Variants in DIDO1 observed in about 807,000 individuals in gnomAD.
DIDO1 encodes the protein death inducer-obliterator 1.
Under a neutral mutation model 99.4 loss-of-function variants are expected in DIDO1, and 16 were observed. That is an observed-to-expected ratio of 0.16 (90% confidence interval 0.11 to 0.24). DIDO1 has a LOEUF of 0.24. DIDO1 is among the 10% of genes least tolerant of loss of function. The pLI, the probability that DIDO1 is intolerant of heterozygous loss-of-function variation, is 1.00. For missense variants in DIDO1, 2,996 were observed against 3,014.0 expected (o/e 0.99, Z 0.14); for synonymous variants, 1,366 against 1,239.1 (o/e 1.10, Z -2.15).
Position 62,907,006 on chromosome 20 carries a change from G to A in DIDO1, c.1374+141C>T, listed in dbSNP as rs1161805288. 3 of 808,530 alleles carry A rather than the reference G, an allele frequency of 3.7e-6. 1 individual carries two copies. Among genetic ancestry groups the A allele is most frequent in the South Asian group, 3.3e-5 (2 of 61,484 alleles). The allele number at this position is 808,530 out of a possible 1,614,324, so 50.1% of individuals were successfully genotyped here. A position where few individuals can be genotyped will look rare whatever the true frequency, so the allele number is the denominator to read the frequency against. On this transcript the variant is annotated intron_variant, in intron 5 of 15. Coordinates refer to ENST00000395343, the MANE Select transcript of DIDO1 (RefSeq NM_001193369.2). ...AGAAGGGAAAACTGGTGGGAAGGTG[G>A]AAGACAAAGGTCAAGGCGACACCAC...
intron 1 of DIDO1, among the ~76,000 whole-genome samples, chr20:62,921,241 A>C (rs1279327649): frequency 1.3e-5 from 2 of 152,184 alleles, no homozygotes; most frequent in Non-Finnish European, 2.9e-5. Context: ...TAAATGACTC[A>C]TTTTTAAATG....
chr20:62,912,676 C>A (rs1421976282), intron 2 of DIDO1, among the ~76,000 whole-genome samples: 1 of 152,188 alleles, frequency 6.6e-6, no homozygotes, highest in Non-Finnish European at 1.5e-5. Context: ...AATGATGACT[C>A]TGATTTTATG....
chr20:62,893,742 G>A lies in DIDO1; in HGVS notation c.3025C>T (p.Pro1009Ser). ...GATGGCTTAGCTAGTATGGACTTGG[G>A]CACCATCACAGAAGTCAAGACAGGC... is the stretch of plus-strand genomic sequence containing the variant. ...PKPVLTSVMV[P>S]KSILAKPSSS... Residue 1009 changes from proline (P) to serine (S), a missense_variant, in exon 12 of 16, where the codon CCC (proline) becomes TCC (serine). Pro to Ser is a moderately conservative substitution (Grantham distance 74). Transcript: ENST00000395343. 1 of 1,614,186 alleles carries A rather than the reference G, an allele frequency of 6.2e-7. No individual in the cohort carries two copies. The highest frequency in any genetic ancestry group is 8.5e-7 in the Non-Finnish European group (1 of 1,180,030).
At chr20:62,886,725 C>T (rs1242124910) in intron 15 of DIDO1, among the ~76,000 whole-genome samples, 1 of 152,194 alleles carries the variant, frequency 6.6e-6, no homozygotes, top group Non-Finnish European at 1.5e-5. Context: ...TGGCACATCC[C>T]ACTATCAGTG....
intron 15 of DIDO1, among the ~76,000 whole-genome samples, chr20:62,883,054 G>A (rs896462977): frequency 4.0e-5 from 6 of 150,492 alleles, no homozygotes; most frequent in Admixed American, 2.7e-4. Context: ...CTCCTGAGTA[G>A]CTGGGATTAC....
upstream of DIDO1, chr20:62,929,354 G>A (rs545412206): frequency 0.032 from 4,911 of 152,422 alleles, 132 homozygotes; most frequent in Non-Finnish European, 0.049. Flanking sequence ...AGGGGCGAGG[G>A]CGGGGCGCGC....
chr20:62,918,645 AC>A (rs1286960368), intron 1 of DIDO1, among the ~76,000 whole-genome samples: 1 of 152,208 alleles, frequency 6.6e-6, no homozygotes, highest in Non-Finnish European at 1.5e-5. Context: ...GTTTCTTCAA[AC>A]CTCACATTCC....
chr20:62,893,874 C>T lies in DIDO1; in HGVS notation c.2893G>A (p.Gly965Ser), dbSNP rs752708115. The change falls in exon 12 of 16, where the codon GGC (glycine) becomes AGC (serine). Residue 965 changes from glycine (G) to serine (S), a missense_variant. By Grantham distance (56) the Gly-to-Ser change is moderately conservative (BLOSUM62 0). This residue lies in a region of DIDO1 where 898 missense variants were observed against 972.7 expected (regional missense o/e 0.92). Coordinates refer to ENST00000395343, the MANE Select transcript of DIDO1 (RefSeq NM_001193369.2). ...CTTGGAGCGGTCCTGGGGTCCCGGC[C>T]GGACACTGTGACGGTGGTGACCACC... The part of the protein sequence containing the change: ...SGVVTTVTVS[G>S]RDPRTAPSSS... The T allele has an allele frequency of 2.0e-5, 33 of 1,612,368 alleles. No homozygotes were observed. Among genetic ancestry groups the T allele is most frequent in the Middle Eastern group, 1.6e-4 (1 of 6,082 alleles).
chr20:62,924,912 A>C (rs183506845), intron 1 of DIDO1, among the ~76,000 whole-genome samples: 362 of 152,312 alleles, frequency 2.4e-3, no homozygotes, highest in African/African-American at 8.2e-3. Context: ...CGCTTTTCCA[A>C]AACAAGAGGT....
intron 15 of DIDO1, among the ~76,000 whole-genome samples, chr20:62,882,738 A>G (rs900846570): frequency 6.8e-6 from 1 of 147,992 alleles, no homozygotes; most frequent in Admixed American, 6.7e-5. Flanking sequence ...ATTCATCCCA[A>G]TCGTCTGAAT....
At chr20:62,933,014 A>C (rs2147611914) in intron 1 of DIDO1, among the ~76,000 whole-genome samples, 1 of 152,310 alleles carries the variant, frequency 6.6e-6, no homozygotes, top group Non-Finnish European at 1.5e-5. Flanking sequence ...GGAGTTCGAG[A>C]CCAGCCTGAC....
Position 62,906,022 on chromosome 20 carries a change from C to T in DIDO1, c.1453G>A (p.Val485Ile). 5 of 1,614,012 alleles carry T rather than the reference C, an allele frequency of 3.1e-6. No homozygotes were observed. The highest frequency in any genetic ancestry group is 4.2e-6 in the Non-Finnish European group (5 of 1,180,040). Residue 485 changes from valine to isoleucine, a missense_variant, in exon 6 of 16, where the codon GTC (valine) becomes ATC (isoleucine). Physicochemically the swap from Val to Ile is conservative, Grantham distance 29. Around this residue, in one of 5 missense-constraint regions of DIDO1, gnomAD observed 898 missense variants for 972.7 expected, o/e 0.92. Transcript: ENST00000395343. ...CCGAGTGCTTCACTCCGCGCAGGGACCACCACTGCCTTCTTCACTGTGGTC... is the reference window on the plus strand; with the variant it reads ...CCGAGTGCTTCACTCCGCGCAGGGATCACCACTGCCTTCTTCACTGTGGTC... The part of the protein sequence containing the change: ...KETTVKKAVV[V>I]PARSEALGKE...
At chr20:62,888,058 C>T (rs1348477461) in intron 15 of DIDO1, 1 of 985,564 alleles carries the variant, frequency 1.0e-6, no homozygotes, top group Non-Finnish European at 1.2e-6. Context: ...TCCACTCTCA[C>T]TGCCCGACAA....
chr20:62,892,725 A>G, intron 13 of DIDO1, 84 bp downstream of exon 13: 2 of 1,484,686 alleles, frequency 1.3e-6, no homozygotes, highest in Non-Finnish European at 1.8e-6. Context: ...CTCATGAATT[A>G]AGGGAGAAAG....
At position 62,894,970 on chromosome 20, in the gene DIDO1, C is replaced by T. The variant is rs946441311; in HGVS notation, c.2332-56G>A. On this transcript the variant is annotated intron_variant, in intron 9 of 15. Coordinates refer to ENST00000395343, the MANE Select transcript of DIDO1 (RefSeq NM_001193369.2). The surrounding 1 kb of genome is among the most constrained non-coding windows in gnomAD (Gnocchi z 4.4). ...GCCTTGTTTTCTAGGAGGAAAGCAT[C>T]GCTTATGCAGCCGTCTATGAATTTA... is the stretch of plus-strand genomic sequence containing the variant. 6.3e-6 allele frequency: 10 copies of T among 1,599,222 alleles called. No homozygotes were observed. Among genetic ancestry groups the T allele is most frequent in the East Asian group, 2.2e-5 (1 of 44,762 alleles).
Position 62,879,373 on chromosome 20 carries a change from T to C in DIDO1, c.6583A>G (p.Arg2195Gly). 6.5e-7 allele frequency: 1 copy of C among 1,546,838 alleles called. No homozygotes were observed. Among genetic ancestry groups the C allele is most frequent in the East Asian group, 2.4e-5 (1 of 40,968 alleles). The change falls in exon 16 of 16, where the codon AGA (arginine) becomes GGA (glycine). Residue 2195 changes from arginine to glycine, a missense_variant. Transcript: ENST00000395343. The surrounding 1 kb of genome is among the most constrained non-coding windows in gnomAD (Gnocchi z 6.3). ...CTGGCCTTGTCTCGGTCCCGCTCTC[T>C]GCTCCGGGACCGGTCCCGGTCGCGC... ...RRRDRDRSRSRERDRDKARDR... is the reference protein window; with the variant it reads ...RRRDRDRSRSGERDRDKARDR...
rs1272411169 is a variant in DIDO1 at position 62,881,077 on chromosome 20, C to G, written c.4879G>C (p.Ala1627Pro). The change falls in exon 16 of 16, where the codon GCG becomes CCG. Residue 1627 changes from alanine to proline, a missense_variant. By Grantham distance (27) the Ala-to-Pro change is conservative. This residue lies in a region of DIDO1 where 1,562 missense variants were observed against 1,412.6 expected (regional missense o/e 1.11). Coordinates refer to ENST00000395343, the MANE Select transcript of DIDO1 (RefSeq NM_001193369.2). The surrounding 1 kb of genome is among the most constrained non-coding windows in gnomAD (Gnocchi z 8.3). ...TTCCAGCCGTCCTGCTCGGACCCCG[C>G]TGGGGGCTTTTCGCCCGAAGCCCAG... Reference protein sequence around the residue: ...SPWASGEKPPAGSEQDGWKAE... With the variant: ...SPWASGEKPPPGSEQDGWKAE... The G allele has an allele frequency of 6.2e-6, 10 of 1,608,970 alleles. 1 individual carries two copies. Among genetic ancestry groups the G allele is most frequent in the Admixed American group, 3.3e-5 (2 of 59,842 alleles).
chr20:62,877,843 A>G lies in DIDO1; in HGVS notation c.*1390T>C, dbSNP rs1214163024. On this transcript the variant is annotated 3_prime_UTR_variant, in exon 16 of 16. Coordinates refer to ENST00000395343, the MANE Select transcript of DIDO1 (RefSeq NM_001193369.2). ...CTCCGCAATATAAAATACAATGTACAGGAATCTCTATCAAGTAAACTAAAG... is the reference window on the plus strand; with the variant it reads ...CTCCGCAATATAAAATACAATGTACGGGAATCTCTATCAAGTAAACTAAAG... 1 of 152,270 alleles carries G rather than the reference A, an allele frequency of 6.6e-6. No individual in the cohort carries two copies. The highest frequency in any genetic ancestry group is 2.4e-5 in the African/African-American group (1 of 41,474). The allele number at this position is 152,270 out of a possible 1,614,324, so 9.4% of individuals were successfully genotyped here. A position where few individuals can be genotyped will look rare whatever the true frequency, so the allele number is the denominator to read the frequency against.
chr20:62,895,459 TA>T (rs11086145), intron 8 of DIDO1, among the ~76,000 whole-genome samples: 93,634 of 150,718 alleles, frequency 0.62, 31,045 homozygotes, highest in African/African-American at 0.87. Context: ...CTGGCTCTGC[TA>T]AAAAAAAAAC....
Sources: gnomAD v4.1 joint callset for allele counts (sites outside exome capture counted in the v4.1 genomes callset) on GRCh38, gnomAD v4.1.1 for gene constraint, gnomAD v4.1.1 regional missense constraint, Gnocchi (gnomAD v3.1) non-coding constraint, MANE v1.5 for transcripts, NCBI Gene and HGNC (gene_info 2026-07-23, HGNC 2026-07-21) for gene names.